The following FYB1 variants were observed in gnomAD, a reference collection of about 807,000 sequenced individuals.
The protein encoded by FYB1 is FYN-binding protein 1.
FYB1 carries 41 observed loss-of-function variants against 94.1 expected under a neutral mutation model. The observed-to-expected ratio is 0.44, with a 90% confidence interval of 0.34 to 0.57. FYB1 has a LOEUF of 0.57. Among genes scored for constraint, FYB1 ranks in the 20% least tolerant of loss-of-function variants. FYB1 has a pLI of 0.02. For synonymous variants in FYB1, 367 were observed against 353.2 expected (o/e 1.04, Z -0.44); for missense variants, 1,050 against 976.8 (o/e 1.07, Z -1.00).
intron 13 of FYB1, among the ~76,000 whole-genome samples, chr5:39,122,709 G>T (rs1013894748): frequency 6.6e-6 from 1 of 152,078 alleles, no homozygotes; most frequent in Non-Finnish European, 1.5e-5. Flanking sequence ...TGAATGTCAG[G>T]AGTGGCAAAT....
chr5:39,192,823 G>C (rs1747482086), intron 2 of FYB1, among the ~76,000 whole-genome samples: 1 of 152,228 alleles, frequency 6.6e-6, no homozygotes. Flanking sequence ...GTGTGCAGCA[G>C]GGAACCAGGA....
intron 1 of FYB1, among the ~76,000 whole-genome samples, chr5:39,214,251 A>G (rs919771569): frequency 1.3e-5 from 2 of 152,248 alleles, no homozygotes; most frequent in Non-Finnish European, 2.9e-5. Flanking sequence ...CGAGTGTTGG[A>G]CAGGATTTGG....
At chr5:39,193,670 G>A (rs979726531) in intron 2 of FYB1, among the ~76,000 whole-genome samples, 1 of 152,142 alleles carries the variant, frequency 6.6e-6, no homozygotes, top group African/African-American at 2.4e-5. Flanking sequence ...GCCTGGGAAG[G>A]TCAAGGAAAA....
chr5:39,241,262 G>C (rs1309545964), intron 1 of FYB1, among the ~76,000 whole-genome samples: 4 of 152,056 alleles, frequency 2.6e-5, no homozygotes, highest in Non-Finnish European at 5.9e-5. Flanking sequence ...AAAAACCCCT[G>C]TGATGCACAG....
chr5:39,258,690 G>A (rs922670757), intron 1 of FYB1, among the ~76,000 whole-genome samples: 1 of 152,124 alleles, frequency 6.6e-6, no homozygotes, highest in Admixed American at 6.5e-5. Context: ...AGATGGAGGA[G>A]AGCAATCAAC....
intron 1 of FYB1, among the ~76,000 whole-genome samples, chr5:39,265,494 A>C (rs1158647724): frequency 6.7e-6 from 1 of 149,972 alleles, no homozygotes; most frequent in African/African-American, 2.5e-5. Flanking sequence ...AAAAAAAAAA[A>C]AAAGAAAAAA....
chr5:39,148,912 TTC>T (rs1469920496), intron 3 of FYB1, among the ~76,000 whole-genome samples: 2 of 152,198 alleles, frequency 1.3e-5, no homozygotes, highest in East Asian at 1.9e-4. Context: ...CAACCATTGA[TTC>T]TGTTTCAATA....
intron 11 of FYB1, 139 bp from the exon 12 acceptor site, chr5:39,126,274 G>A (rs1740659875): frequency 2.3e-6 from 2 of 871,392 alleles, no homozygotes; most frequent in Non-Finnish European, 3.4e-6. Flanking sequence ...CATTTTATTG[G>A]ACAAAATAGT....
chr5:39,202,303 A>G lies in FYB1; in HGVS notation c.658T>C (p.Ser220Pro), dbSNP rs1377926244. 2.5e-6 allele frequency: 4 copies of G among 1,613,562 alleles called. No homozygotes were observed. Among genetic ancestry groups the G allele is most frequent in the Non-Finnish European group, 3.4e-6 (4 of 1,179,796 alleles). The part of the protein sequence containing the change: ...HEDESPMKNV[S>P]SSKGSPAPLG... ...GGAGCTGGGGACCCTTTTGATGAAG[A>G]CACATTCTTCATGGGGCTTTCGTCT... is the stretch of plus-strand genomic sequence containing the variant. Residue 220 changes from serine (S) to proline (P), a missense_variant, in exon 2 of 19, where the codon TCT becomes CCT. Coordinates refer to ENST00000512982, the MANE Select transcript of FYB1 (RefSeq NM_001465.6).
At chr5:39,152,324 C>T (rs146255957) in intron 3 of FYB1, among the ~76,000 whole-genome samples, 2 of 152,222 alleles carry the variant, frequency 1.3e-5, no homozygotes, top group Admixed American at 1.3e-4. Flanking sequence ...AATATGTTTT[C>T]TATCCTTTCC....
intron 1 of FYB1, among the ~76,000 whole-genome samples, chr5:39,209,126 T>G (rs1031211418): frequency 6.6e-6 from 1 of 152,000 alleles, no homozygotes; most frequent in Non-Finnish European, 1.5e-5. Flanking sequence ...AAGGGAATGG[T>G]CTTAATCTGA....
intron 2 of FYB1, among the ~76,000 whole-genome samples, chr5:39,160,211 G>C (rs1744125572): frequency 6.6e-6 from 1 of 152,110 alleles, no homozygotes; most frequent in Non-Finnish European, 1.5e-5. Context: ...CTGCGAAATG[G>C]TCACATACAT....
chr5:39,174,547 C>G (rs1454688234), intron 2 of FYB1, among the ~76,000 whole-genome samples: 1 of 152,120 alleles, frequency 6.6e-6, no homozygotes, highest in African/African-American at 2.4e-5. Context: ...CATAAGGAAA[C>G]CCTGAAAAAC....
intron 12 of FYB1, among the ~76,000 whole-genome samples, chr5:39,125,279 C>G (rs1366641): frequency 0.43 from 64,877 of 151,694 alleles, 16,730 homozygotes; most frequent in African/African-American, 0.72. Flanking sequence ...AATTCATGAG[C>G]TAAATATAAA....
At chr5:39,171,778 G>A (rs866442085) in intron 2 of FYB1, among the ~76,000 whole-genome samples, 17 of 152,292 alleles carry the variant, frequency 1.1e-4, no homozygotes, top group Middle Eastern at 3.4e-3. Flanking sequence ...TTCATTGTCT[G>A]AGAGTTCCTT....
chr5:39,188,606 G>C (rs528618299), intron 2 of FYB1, among the ~76,000 whole-genome samples: 1 of 136,956 alleles, frequency 7.3e-6, no homozygotes, highest in South Asian at 2.4e-4. Flanking sequence ...GTGCAATTGT[G>C]CGATCTTGGC....
At chr5:39,215,528 T>C (rs1364494683) in intron 1 of FYB1, among the ~76,000 whole-genome samples, 6 of 152,158 alleles carry the variant, frequency 3.9e-5, no homozygotes, top group African/African-American at 7.2e-5. Context: ...CAGGGATCTT[T>C]GGGGAGACTC....
At position 39,203,000 on chromosome 5, in the gene FYB1, G is replaced by A. The variant is rs372739447; in HGVS notation, c.-27-13C>T. The A allele has an allele frequency of 5.0e-6, 8 of 1,606,396 alleles. No individual in the cohort carries two copies. In the Admixed American group the frequency reaches 6.8e-5, roughly 14 times the overall value. ...CTGCCTTTCCATCCTACAAACATAGGGAACAAAAAATAGCTGAGAGACAAA... is the reference window on the plus strand; with the variant it reads ...CTGCCTTTCCATCCTACAAACATAGAGAACAAAAAATAGCTGAGAGACAAA... On this transcript the variant is annotated splice_polypyrimidine_tract_variant and intron_variant, in intron 1 of 18. Transcript: ENST00000512982.
At chr5:39,209,737 C>T (rs1027991717) in intron 1 of FYB1, among the ~76,000 whole-genome samples, 3 of 152,188 alleles carry the variant, frequency 2.0e-5, no homozygotes, top group East Asian at 1.9e-4. Flanking sequence ...GCAATTCCCT[C>T]CCCGGCAAAC....
Sources: gnomAD v4.1 joint callset for allele counts (sites outside exome capture counted in the v4.1 genomes callset) on GRCh38, gnomAD v4.1.1 for gene constraint, MANE v1.5 for transcripts, NCBI Gene and HGNC (gene_info 2026-07-23, HGNC 2026-07-21) for gene names.